The following TEKT5 variants were observed in gnomAD, a reference collection of about 807,000 sequenced individuals.
The protein encoded by TEKT5 is tektin-5.
Under a neutral mutation model 48.7 loss-of-function variants are expected in TEKT5, and 52 were observed. The observed-to-expected ratio is 1.07, with a 90% CI of 0.86 to 1.35. The LOEUF is 1.35. Among genes scored for constraint, TEKT5 ranks in the 40% most tolerant of loss-of-function variants. The probability of loss-of-function intolerance (pLI) is 0.00; values close to 1 mark genes in which losing one functional copy is unlikely to be tolerated. For synonymous variants in TEKT5, 318 were observed against 267.6 expected, an observed-to-expected ratio of 1.19 and a Z score of -1.84; for missense variants, 831 against 641.6, an observed-to-expected ratio of 1.30 and a Z score of -3.19.
chr16:10,634,032 C>G (rs753264703), intron 6 of TEKT5, among the ~76,000 whole-genome samples: 1 of 152,206 alleles, frequency 6.6e-6, no homozygotes, highest in Non-Finnish European at 1.5e-5. Context: ...CTTTTCACAT[C>G]TAGCAGTGGG....
At chr16:10,642,089 C>G (rs1434846777) in intron 5 of TEKT5, among the ~76,000 whole-genome samples, 1 of 152,256 alleles carries the variant, frequency 6.6e-6, no homozygotes, top group South Asian at 2.1e-4. Context: ...ATCGCTGTGC[C>G]GTGCCCCTGG....
At chr16:10,664,424 A>G (rs761048779) in intron 5 of TEKT5, among the ~76,000 whole-genome samples, 11 of 152,248 alleles carry the variant, frequency 7.2e-5, no homozygotes, top group Admixed American at 1.3e-4. Flanking sequence ...GAGAACGTGC[A>G]TTTCTAACAA....
intron 5 of TEKT5, among the ~76,000 whole-genome samples, chr16:10,656,799 G>T (rs1302285526): frequency 6.6e-6 from 1 of 152,054 alleles, no homozygotes. Context: ...GGAGGGCAAT[G>T]GTGCAATCAC....
intron 5 of TEKT5, among the ~76,000 whole-genome samples, chr16:10,650,820 G>A (rs1398166506): frequency 1.3e-5 from 2 of 151,802 alleles, no homozygotes; most frequent in African/African-American, 2.4e-5. Context: ...GGGAGGCGGA[G>A]GTTACAGTGA....
chr16:10,690,554 T>A (rs918425464), intron 1 of TEKT5: 15 of 984,896 alleles, frequency 1.5e-5, no homozygotes, highest in Non-Finnish European at 1.8e-5. Context: ...TGAAGTCGGC[T>A]TGACAAGTGT....
At chr16:10,640,745 G>A (rs377546758) in intron 5 of TEKT5, among the ~76,000 whole-genome samples, 2 of 152,078 alleles carry the variant, frequency 1.3e-5, no homozygotes, top group South Asian at 2.1e-4. Flanking sequence ...GGAGGGAGGG[G>A]GTTCTGGCTT....
chr16:10,694,732 T>A lies in TEKT5; in HGVS notation c.142A>T (p.Asn48Tyr). ...TAGAAGAGGCTAGGCCTCCATGAAT[T>A]GAGGTAGCGGTACCCGGGCAGGTAG... ...PYYLPGYRYL[N>Y]SWRPSLFYKI... The change falls in exon 1 of 7, where the codon AAT becomes TAT. Residue 48 changes from asparagine to tyrosine, a missense_variant. Coordinates refer to ENST00000283025, the MANE Select transcript of TEKT5 (RefSeq NM_144674.2). The A allele has an allele frequency of 6.2e-7, 1 of 1,614,004 alleles. No homozygotes were observed. Among genetic ancestry groups the A allele is most frequent in the South Asian group, 1.1e-5 (1 of 91,062 alleles).
intron 1 of TEKT5, among the ~76,000 whole-genome samples, chr16:10,691,745 A>G (rs1039071014): frequency 1.3e-5 from 2 of 152,062 alleles, no homozygotes; most frequent in Non-Finnish European, 2.9e-5. Context: ...TCAAGAGATC[A>G]AGACCATACT....
chr16:10,654,296 C>T (rs1405621978), intron 5 of TEKT5, among the ~76,000 whole-genome samples: 1 of 152,160 alleles, frequency 6.6e-6, no homozygotes, highest in Admixed American at 6.5e-5. Flanking sequence ...AGCAATCCAT[C>T]CACCTCAGCC....
At chr16:10,643,539 T>C (rs936790044) in intron 5 of TEKT5, among the ~76,000 whole-genome samples, 5 of 152,212 alleles carry the variant, frequency 3.3e-5, no homozygotes, top group South Asian at 2.1e-4. Flanking sequence ...GAGGGCCACA[T>C]ATGGCTGTTA....
rs185376860 is a variant in TEKT5 at position 10,661,652 on chromosome 16, G to A, written c.1086+14307C>T. Among the ~76,000 whole-genome samples the A allele has an allele frequency of 3.3e-5, 5 of 152,260 alleles. No homozygotes were observed. The East Asian group carries it at 9.6e-4, about 29-fold the overall frequency. ...ACCAAAGTATCCAAAAGATGAAGTA[G>A]GAAGGACTTGAGAACTTATGGAATG... On this transcript the variant is annotated intron_variant, in intron 5 of 6. Coordinates refer to ENST00000283025, the MANE Select transcript of TEKT5 (RefSeq NM_144674.2).
intron 5 of TEKT5, among the ~76,000 whole-genome samples, chr16:10,656,853 A>G (rs1369730288): frequency 1.3e-5 from 2 of 151,058 alleles, no homozygotes; most frequent in African/African-American, 2.4e-5. Context: ...TGACCCTCCC[A>G]CCTCCACCTC....
intron 5 of TEKT5, among the ~76,000 whole-genome samples, chr16:10,655,394 G>C (rs1898244483): frequency 6.6e-6 from 1 of 152,072 alleles, no homozygotes; most frequent in Admixed American, 6.5e-5. Flanking sequence ...AAAATTACCT[G>C]ATCTGTCTAA....
intron 5 of TEKT5, among the ~76,000 whole-genome samples, chr16:10,652,682 GAC>G (rs1187367332): frequency 0.038 from 292 of 7,618 alleles, 16 homozygotes; most frequent in Non-Finnish European, 0.05. Flanking sequence ...TACACAGGCA[GAC>G]ACACACACAC....
intron 3 of TEKT5, among the ~76,000 whole-genome samples, chr16:10,685,494 AC>A (rs1298883583): frequency 1.3e-5 from 2 of 151,960 alleles, no homozygotes; most frequent in African/African-American, 4.8e-5. Context: ...ACGGGGTTTC[AC>A]CATTTTGGCC....
chr16:10,671,266 A>T (rs1167612665), intron 5 of TEKT5, among the ~76,000 whole-genome samples: 1 of 152,246 alleles, frequency 6.6e-6, no homozygotes, highest in Admixed American at 6.5e-5. Context: ...GAGCCTTTCC[A>T]AGTCATCCCC....
intron 1 of TEKT5, among the ~76,000 whole-genome samples, chr16:10,691,647 T>C (rs1309443046): frequency 1.3e-5 from 2 of 151,706 alleles, no homozygotes; most frequent in Non-Finnish European, 2.9e-5. Flanking sequence ...ATTCCGGAAT[T>C]AAGATGTTAA....
At chr16:10,638,601 CA>C (rs2142261991) in intron 5 of TEKT5, among the ~76,000 whole-genome samples, 1 of 152,332 alleles carries the variant, frequency 6.6e-6, no homozygotes, top group South Asian at 2.1e-4. Context: ...CACTCCATAC[CA>C]CCTAAAGAAG....
chr16:10,672,041 C>T (rs1156617008), intron 5 of TEKT5, among the ~76,000 whole-genome samples: 1 of 152,000 alleles, frequency 6.6e-6, no homozygotes, highest in Non-Finnish European at 1.5e-5. Context: ...TTAATGGGTG[C>T]AGAGTTTCAG....
Sources: gnomAD v4.1 joint callset for allele counts (sites outside exome capture counted in the v4.1 genomes callset) on GRCh38, gnomAD v4.1.1 for gene constraint, MANE v1.5 for transcripts, NCBI Gene and HGNC (gene_info 2026-07-23, HGNC 2026-07-21) for gene names.